Variants in ANKS1B observed in about 807,000 individuals in gnomAD.
ANKS1B encodes the protein ankyrin repeat and sterile alpha motif domain containing 1B.
A neutral mutation model predicts 148.3 loss-of-function variants in ANKS1B; 36 were observed. The observed-to-expected ratio is 0.24, with a 90% CI of 0.19 to 0.32. The LOEUF (loss-of-function observed/expected upper bound fraction) is 0.32, where lower values mean the gene tolerates loss of function less well. ANKS1B is among the 10% of genes least tolerant of loss of function. The probability of loss-of-function intolerance (pLI) is 1.00; values close to 1 mark genes in which losing one functional copy is unlikely to be tolerated. For missense variants in ANKS1B, 1,157 were observed against 1,542.6 expected, an observed-to-expected ratio of 0.75 and a Z score of 4.19; for synonymous variants, 542 against 560.8, an observed-to-expected ratio of 0.97 and a Z score of 0.47.
At chr12:98,800,897 A>G in intron 21 of ANKS1B, 100 bp downstream of exon 21, 2 of 1,374,548 alleles carry the variant, frequency 1.5e-6, no homozygotes, top group South Asian at 3.1e-5. Flanking sequence ...TCAGTGATGG[A>G]TATGGATATT....
chr12:99,470,549 T>C (rs2096223592), intron 10 of ANKS1B, among the ~76,000 whole-genome samples: 1 of 152,178 alleles, frequency 6.6e-6, no homozygotes, highest in Non-Finnish European at 1.5e-5. Context: ...TTAGGAAAGC[T>C]ATCAATTCCT....
chr12:98,952,020 T>C lies in ANKS1B; in HGVS notation c.2778+101137A>G, dbSNP rs946516736. Among the ~76,000 whole-genome samples the C allele has an allele frequency of 7.2e-5, 11 of 152,338 alleles. No homozygotes were observed. In the South Asian group the frequency reaches 2.1e-3, roughly 29 times the overall value. On this transcript the variant is annotated intron_variant, in intron 17 of 26. Coordinates refer to ENST00000683438, the MANE Select transcript of ANKS1B (RefSeq NM_001352186.2). Reference sequence around the variant, plus strand: ...GTATTTAAAAACCTAGATAGGGCTATTTTAATTCAGAAAAATAAATCTGTT... The same window carrying C: ...GTATTTAAAAACCTAGATAGGGCTACTTTAATTCAGAAAAATAAATCTGTT...
At chr12:99,851,977 A>C (rs2087939991) in intron 1 of ANKS1B, among the ~76,000 whole-genome samples, 1 of 152,204 alleles carries the variant, frequency 6.6e-6, no homozygotes, top group African/African-American at 2.4e-5. Context: ...TATCTATTAC[A>C]TGCATGCCTG....
chr12:99,004,091 C>T (rs986307890), intron 17 of ANKS1B, among the ~76,000 whole-genome samples: 1 of 152,124 alleles, frequency 6.6e-6, no homozygotes, highest in African/African-American at 2.4e-5. Context: ...GATATAGGTC[C>T]GCCATTCTGT....
intron 1 of ANKS1B, among the ~76,000 whole-genome samples, chr12:99,922,497 G>T (rs1174328003): frequency 6.6e-5 from 10 of 152,194 alleles, no homozygotes; most frequent in South Asian, 2.1e-4. Flanking sequence ...AATACCAATG[G>T]ACATAATACT....
chr12:99,907,913 C>T (rs762530049), intron 1 of ANKS1B, among the ~76,000 whole-genome samples: 1 of 144,072 alleles, frequency 6.9e-6, no homozygotes, highest in Non-Finnish European at 1.5e-5. Context: ...AAAAGAGGAA[C>T]AAGTAAAGCA....
chr12:99,416,712 G>C (rs996206873), intron 11 of ANKS1B, among the ~76,000 whole-genome samples: 3 of 152,160 alleles, frequency 2.0e-5, no homozygotes, highest in Admixed American at 6.5e-5. Flanking sequence ...ATACTATTGA[G>C]TTTTGAGAGT....
At chr12:99,858,979 A>C (rs1333598012) in intron 1 of ANKS1B, among the ~76,000 whole-genome samples, 2 of 152,306 alleles carry the variant, frequency 1.3e-5, no homozygotes, top group African/African-American at 2.4e-5. Flanking sequence ...TGAAGAACTT[A>C]TTCATGCACA....
intron 1 of ANKS1B, among the ~76,000 whole-genome samples, chr12:99,901,739 T>G (rs191955464): frequency 5.3e-5 from 8 of 152,324 alleles, no homozygotes; most frequent in African/African-American, 1.9e-4. Flanking sequence ...TGCTTCATAT[T>G]ACAGTGACAT....
chr12:99,843,015 T>C (rs1295621423), intron 1 of ANKS1B, among the ~76,000 whole-genome samples: 1 of 152,116 alleles, frequency 6.6e-6, no homozygotes, highest in African/African-American at 2.4e-5. Context: ...ATTTCTAAGT[T>C]TGCTTCATGT....
chr12:98,831,332 A>G (rs1361043820), intron 18 of ANKS1B: 1 of 152,204 alleles, frequency 6.6e-6, no homozygotes, highest in Non-Finnish European at 1.5e-5. Context: ...TGAATTTTTG[A>G]AGTGAGTAAA....
At chr12:99,421,610 C>A (rs762539344) in intron 11 of ANKS1B, among the ~76,000 whole-genome samples, 2 of 151,968 alleles carry the variant, frequency 1.3e-5, no homozygotes, top group Non-Finnish European at 2.9e-5. Context: ...GGTTAAAGAG[C>A]CCCTGTGGTG....
At chr12:99,954,642 A>G (rs2095285793) in intron 1 of ANKS1B, among the ~76,000 whole-genome samples, 1 of 152,198 alleles carries the variant, frequency 6.6e-6, no homozygotes, top group African/African-American at 2.4e-5. Context: ...AGCTAACAGC[A>G]GCCACTTGAT....
chr12:99,706,615 C>A (rs2055817419), intron 8 of ANKS1B: 1 of 152,042 alleles, frequency 6.6e-6, no homozygotes, highest in South Asian at 2.1e-4. Flanking sequence ...GGAAGCAGAA[C>A]CTCTGGTTTG....
intron 12 of ANKS1B, among the ~76,000 whole-genome samples, chr12:99,347,799 C>T (rs1222166487): frequency 1.5e-5 from 2 of 133,954 alleles, no homozygotes; most frequent in Non-Finnish European, 3.1e-5. Flanking sequence ...AGATATTAGA[C>T]TTCCAAAAAA....
chr12:99,776,650 C>A (rs957085231), intron 6 of ANKS1B, among the ~76,000 whole-genome samples: 2 of 151,212 alleles, frequency 1.3e-5, no homozygotes, highest in Admixed American at 6.6e-5. Flanking sequence ...AGAGTTTGAG[C>A]TAAAATCCTA....
At chr12:99,057,987 G>A (rs1410376004) in intron 16 of ANKS1B, among the ~76,000 whole-genome samples, 1 of 152,100 alleles carries the variant, frequency 6.6e-6, no homozygotes, top group Non-Finnish European at 1.5e-5. Context: ...AATATTTTTT[G>A]TTGTTGTTGC....
intron 22 of ANKS1B, chr12:98,794,528 C>G (rs1213973618): frequency 3.1e-6 from 2 of 640,982 alleles, no homozygotes; most frequent in African/African-American, 1.8e-5. Flanking sequence ...CCCATCCACC[C>G]TGGCCATGGC....
chr12:99,392,427 T>G (rs1432694745), intron 12 of ANKS1B, among the ~76,000 whole-genome samples: 2 of 152,272 alleles, frequency 1.3e-5, no homozygotes. Context: ...GTTTTTGTTA[T>G]TTCTCCCACT....
Sources: allele counts gnomAD v4.1 joint callset (sites outside exome capture counted in the v4.1 genomes callset), GRCh38; gene constraint gnomAD v4.1.1; transcripts MANE v1.5; gene names NCBI Gene and HGNC (gene_info 2026-07-23, HGNC 2026-07-21).